Variants in STX18 observed in about 807,000 individuals in gnomAD.
STX18 encodes syntaxin-18.
Under a neutral mutation model 50.1 loss-of-function variants are expected in STX18, and 40 were observed. That is an observed-to-expected ratio of 0.80 (90% CI 0.62 to 1.04). The LOEUF (loss-of-function observed/expected upper bound fraction) is 1.04, where lower values mean the gene tolerates loss of function less well. Among genes scored for constraint, STX18 ranks in the 50% least tolerant of loss-of-function variants. STX18 has a pLI of 0.00. For missense variants in STX18, 410 were observed against 415.8 expected, an observed-to-expected ratio of 0.99 and a Z score of 0.12; for synonymous variants, 158 against 151.8, an observed-to-expected ratio of 1.04 and a Z score of -0.30.
intron 1 of STX18, among the ~76,000 whole-genome samples, chr4:4,473,684 C>CT (rs1273326575): frequency 1.3e-5 from 2 of 152,188 alleles, no homozygotes; most frequent in East Asian, 3.9e-4. Context: ...GACCAAGCTA[C>CT]TCCTCTGTTT....
At chr4:4,475,150 C>T (rs1728115316) in intron 1 of STX18, among the ~76,000 whole-genome samples, 1 of 152,080 alleles carries the variant, frequency 6.6e-6, no homozygotes, top group Non-Finnish European at 1.5e-5. Context: ...TCCACAGAGG[C>T]CCACAAGCAC....
chr4:4,515,780 G>C (rs769280453), intron 1 of STX18, among the ~76,000 whole-genome samples: 22 of 152,100 alleles, frequency 1.4e-4, no homozygotes, highest in Non-Finnish European at 2.9e-4. Context: ...GTTATAGTCA[G>C]CAGCAACATT....
intron 7 of STX18, chr4:4,425,453 A>C (rs1725197553): frequency 1.7e-6 from 1 of 595,872 alleles, no homozygotes; most frequent in Non-Finnish European, 3.0e-6. Flanking sequence ...TCTCCATCTC[A>C]ACCACTGCAC....
intron 1 of STX18, among the ~76,000 whole-genome samples, chr4:4,524,925 G>A (rs1253194047): frequency 2.0e-5 from 3 of 151,876 alleles, no homozygotes; most frequent in African/African-American, 7.3e-5. Flanking sequence ...GGGTGAGAGT[G>A]GACCGCAAAT....
At chr4:4,481,165 T>G (rs898604678) in intron 1 of STX18, among the ~76,000 whole-genome samples, 1 of 152,200 alleles carries the variant, frequency 6.6e-6, no homozygotes, top group African/African-American at 2.4e-5. Flanking sequence ...TACAAAATGA[T>G]GGGATTCTTC....
intron 1 of STX18, among the ~76,000 whole-genome samples, chr4:4,490,164 G>T (rs1163649260): frequency 6.6e-6 from 1 of 152,176 alleles, no homozygotes; most frequent in African/African-American, 2.4e-5. Flanking sequence ...ACACAGTCAT[G>T]TACCTAAGAA....
At chr4:4,474,086 C>T (rs774344023) in intron 1 of STX18, among the ~76,000 whole-genome samples, 31 of 152,136 alleles carry the variant, frequency 2.0e-4, no homozygotes, top group African/African-American at 3.4e-4. Context: ...TTCCCTGGAA[C>T]GCCCTACCCA....
chr4:4,520,915 G>C (rs191450188), intron 1 of STX18, among the ~76,000 whole-genome samples: 224 of 152,234 alleles, frequency 1.5e-3, no homozygotes, highest in African/African-American at 5.2e-3. Context: ...ATGATCTTTA[G>C]TATCTAAAAA....
chr4:4,449,915 G>A (rs1726660527), intron 5 of STX18, among the ~76,000 whole-genome samples: 1 of 152,112 alleles, frequency 6.6e-6, no homozygotes, highest in Non-Finnish European at 1.5e-5. Flanking sequence ...CAAATTGATG[G>A]CTGTGTCCTT....
chr4:4,515,166 A>G (rs968641008), intron 1 of STX18, among the ~76,000 whole-genome samples: 1 of 152,168 alleles, frequency 6.6e-6, no homozygotes. Context: ...CTAAATGAAT[A>G]AAACTTTAAA....
intron 1 of STX18, among the ~76,000 whole-genome samples, chr4:4,503,213 A>G (rs540119395): frequency 6.6e-6 from 1 of 152,322 alleles, no homozygotes; most frequent in East Asian, 1.9e-4. Flanking sequence ...TTGTTTATGT[A>G]AATGAGGGTT....
chr4:4,472,973 T>C (rs918314267), intron 1 of STX18, among the ~76,000 whole-genome samples: 3 of 152,174 alleles, frequency 2.0e-5, no homozygotes, highest in African/African-American at 7.2e-5. Context: ...TTAAGTATGG[T>C]CACAATATTC....
At chr4:4,468,182 AC>A (rs1481637409) in intron 2 of STX18, among the ~76,000 whole-genome samples, 1 of 151,678 alleles carries the variant, frequency 6.6e-6, no homozygotes, top group African/African-American at 2.4e-5. Context: ...TACTGCAGAA[AC>A]CCTTTTTTTT....
At chr4:4,503,279 C>CGAA (rs1729541870) in intron 1 of STX18, among the ~76,000 whole-genome samples, 1 of 152,082 alleles carries the variant, frequency 6.6e-6, no homozygotes, top group Admixed American at 6.6e-5. Context: ...GATATTAAAC[C>CGAA]TTGTCAGATT....
intron 9 of STX18, among the ~76,000 whole-genome samples, chr4:4,422,258 T>G (rs558094871): frequency 3.3e-5 from 5 of 152,130 alleles, no homozygotes; most frequent in Admixed American, 6.5e-5. Context: ...AGACACATTG[T>G]TCCTCAGGAC....
chr4:4,462,567 A>T (rs574656412), intron 2 of STX18, among the ~76,000 whole-genome samples: 2 of 152,146 alleles, frequency 1.3e-5, no homozygotes, highest in Non-Finnish European at 2.9e-5. Flanking sequence ...AAAAGATAAA[A>T]GACTGAGTTT....
At chr4:4,431,030 A>G (rs1239263381) in intron 7 of STX18, among the ~76,000 whole-genome samples, 1 of 152,066 alleles carries the variant, frequency 6.6e-6, no homozygotes, top group African/African-American at 2.4e-5. Flanking sequence ...CAACTCTCAC[A>G]CCTACAGGCT....
intron 1 of STX18, among the ~76,000 whole-genome samples, chr4:4,482,827 A>C (rs1297917372): frequency 6.6e-6 from 1 of 152,224 alleles, no homozygotes; most frequent in African/African-American, 2.4e-5. Flanking sequence ...GTAAGTGATA[A>C]ATGTTAGCTG....
At chr4:4,504,474 G>A (rs1729602749) in intron 1 of STX18, among the ~76,000 whole-genome samples, 1 of 152,130 alleles carries the variant, frequency 6.6e-6, no homozygotes, top group Non-Finnish European at 1.5e-5. Context: ...ATAAAGCTCT[G>A]ATACCTCTCG....
Sources: gnomAD v4.1 joint callset for allele counts (sites outside exome capture counted in the v4.1 genomes callset) on GRCh38, gnomAD v4.1.1 for gene constraint, MANE v1.5 for transcripts, NCBI Gene and HGNC (gene_info 2026-07-23, HGNC 2026-07-21) for gene names.